TTC28: variants seen among roughly 807,000 people sequenced by gnomAD.
TTC28 encodes tetratricopeptide repeat domain 28.
TTC28 carries 61 observed loss-of-function variants against 198.0 expected under a neutral mutation model. That is an observed-to-expected ratio of 0.31 (90% CI 0.25 to 0.38). The LOEUF (loss-of-function observed/expected upper bound fraction) is 0.38, where lower values mean the gene tolerates loss of function less well. Ranked by LOEUF, TTC28 falls within the 10% of genes least tolerant of loss-of-function variation. The pLI is 1.00. For synonymous variants in TTC28, 1,171 were observed against 1,297.8 expected (o/e 0.90, Z 2.10); for missense variants, 2,678 against 3,164.0 (o/e 0.85, Z 3.69).
At chr22:28,039,481 G>A (rs937017476) in intron 12 of TTC28, among the ~76,000 whole-genome samples, 3 of 150,428 alleles carry the variant, frequency 2.0e-5, no homozygotes, top group African/African-American at 4.9e-5. Context: ...GAGAACACTT[G>A]GACACAGGAA....
intron 12 of TTC28, among the ~76,000 whole-genome samples, chr22:28,058,365 T>G (rs1272727961): frequency 6.6e-6 from 1 of 152,132 alleles, no homozygotes; most frequent in Non-Finnish European, 1.5e-5. Context: ...GATATAGTGT[T>G]GAGCCTAGAA....
At chr22:27,996,432 G>T in intron 16 of TTC28, 173 bp from the exon 17 acceptor site, 1 of 859,334 alleles carries the variant, frequency 1.2e-6, no homozygotes, top group Non-Finnish European at 1.7e-6. Flanking sequence ...TGGTGATGTG[G>T]CACCCTTTTG....
chr22:27,990,075 C>A (rs1160669752), intron 20 of TTC28, 68 bp from the exon 21 acceptor site: 2 of 1,507,816 alleles, frequency 1.3e-6, no homozygotes, highest in East Asian at 2.5e-5. Context: ...AAGACTCGAC[C>A]CATTATTCTT....
intron 2 of TTC28, among the ~76,000 whole-genome samples, chr22:28,350,912 G>A (rs2045985155): frequency 6.6e-6 from 1 of 152,226 alleles, no homozygotes; most frequent in African/African-American, 2.4e-5. Flanking sequence ...GCCGGGCGCA[G>A]TGGCTGACGC....
chr22:28,168,660 C>T (rs967728779), intron 5 of TTC28, among the ~76,000 whole-genome samples: 5 of 152,088 alleles, frequency 3.3e-5, no homozygotes, highest in Non-Finnish European at 7.3e-5. Context: ...ACACCTTATA[C>T]AAAAATTAAT....
At chr22:28,014,451 C>T in intron 13 of TTC28, 59 bp from the exon 14 acceptor site, 2 of 1,485,996 alleles carry the variant, frequency 1.3e-6, no homozygotes, top group Non-Finnish European at 1.8e-6. Flanking sequence ...AAGACTCACC[C>T]TGGCCCTCCA....
chr22:28,153,395 T>TAAAAAAAAAA (rs55726442), intron 6 of TTC28, among the ~76,000 whole-genome samples: 1 of 97,132 alleles, frequency 1.0e-5, no homozygotes, highest in African/African-American at 4.0e-5. Context: ...CTCAAAGAAT[T>TAAAAAAAAAA]AAAAAAAAAA....
chr22:28,661,353 C>T (rs574542632), intron 1 of TTC28, among the ~76,000 whole-genome samples: 24 of 152,276 alleles, frequency 1.6e-4, no homozygotes, highest in African/African-American at 5.3e-4. Context: ...TAATTTCCAT[C>T]ATCCAAGAAA....
chr22:28,167,046 C>G, intron 5 of TTC28, among the ~76,000 whole-genome samples: 1 of 152,156 alleles, frequency 6.6e-6, no homozygotes, highest in South Asian at 2.1e-4. Context: ...ATAAACACCT[C>G]TACGCAAAAA....
At chr22:28,230,752 T>C (rs1928738470) in intron 5 of TTC28, among the ~76,000 whole-genome samples, 1 of 152,170 alleles carries the variant, frequency 6.6e-6, no homozygotes, top group Non-Finnish European at 1.5e-5. Flanking sequence ...AACCAAAATT[T>C]TTTCTGTATG....
intron 2 of TTC28, among the ~76,000 whole-genome samples, chr22:28,524,353 G>A (rs1174476758): frequency 1.3e-5 from 2 of 151,656 alleles, no homozygotes; most frequent in African/African-American, 4.9e-5. Flanking sequence ...CCAGCTACTC[G>A]GGAGGCTGAG....
chr22:28,193,200 A>G (rs1925032602), intron 5 of TTC28, among the ~76,000 whole-genome samples: 1 of 152,204 alleles, frequency 6.6e-6, no homozygotes, highest in South Asian at 2.1e-4. Flanking sequence ...TCATTAAGTG[A>G]AGGAGAAATA....
At chr22:28,507,763 T>TA (rs2048632684) in intron 2 of TTC28, among the ~76,000 whole-genome samples, 1 of 152,172 alleles carries the variant, frequency 6.6e-6, no homozygotes, top group Admixed American at 6.5e-5. Flanking sequence ...TCAACATTCT[T>TA]AAAGAAAAGA....
chr22:28,599,383 C>T (rs1303474608), intron 2 of TTC28, among the ~76,000 whole-genome samples: 2 of 152,178 alleles, frequency 1.3e-5, no homozygotes, highest in African/African-American at 2.4e-5. Context: ...GAAAGAAATG[C>T]TTTGCTATGA....
chr22:28,315,282 A>AT (rs917677933), intron 2 of TTC28, among the ~76,000 whole-genome samples: 150 of 145,796 alleles, frequency 1.0e-3, no homozygotes, highest in East Asian at 8.2e-3. Context: ...CTGGATTTGG[A>AT]TTTTTTTTTT....
intron 5 of TTC28, among the ~76,000 whole-genome samples, chr22:28,295,434 G>A (rs1236182869): frequency 2.0e-5 from 3 of 152,058 alleles, no homozygotes; most frequent in South Asian, 2.1e-4. Context: ...GGAAATCCTG[G>A]CACCATGCCG....
At chr22:28,033,163 C>T (rs73880375) in intron 12 of TTC28, among the ~76,000 whole-genome samples, 10,500 of 152,224 alleles carry the variant, frequency 0.069, 426 homozygotes, top group South Asian at 0.091. Flanking sequence ...TTCTTACTGT[C>T]AGCCACAGAC....
At chr22:28,629,888 C>T in intron 1 of TTC28, 58 bp from the exon 2 acceptor site, 2 of 1,447,362 alleles carry the variant, frequency 1.4e-6, no homozygotes, top group Non-Finnish European at 1.9e-6. Flanking sequence ...GGTTCCCCAT[C>T]TGCTAAGATT....
intron 13 of TTC28, among the ~76,000 whole-genome samples, chr22:28,022,606 G>A (rs1938656780): frequency 6.6e-6 from 1 of 152,220 alleles, no homozygotes; most frequent in Admixed American, 6.5e-5. Context: ...TGTAGCTCCT[G>A]CTCTGCTGGG....
Sources: gnomAD v4.1 joint callset for allele counts (sites outside exome capture counted in the v4.1 genomes callset) on GRCh38, gnomAD v4.1.1 for gene constraint, MANE v1.5 for transcripts, NCBI Gene and HGNC (gene_info 2026-07-23, HGNC 2026-07-21) for gene names.